The following MKLN1 variants were observed in gnomAD, a reference collection of about 807,000 sequenced individuals.
The protein encoded by MKLN1 is muskelin 1.
In MKLN1, 18 loss-of-function variants were observed where a neutral mutation model predicts 99.0. The observed-to-expected ratio is 0.18, with a 90% CI of 0.13 to 0.27. MKLN1 has a LOEUF of 0.27. Among genes scored for constraint, MKLN1 ranks in the 10% least tolerant of loss-of-function variants. MKLN1 has a pLI of 1.00. For synonymous variants in MKLN1, 288 were observed against 293.2 expected (o/e 0.98, Z 0.18); for missense variants, 621 against 875.9 (o/e 0.71, Z 3.67).
intron 1 of MKLN1, among the ~76,000 whole-genome samples, chr7:131,119,878 C>T (rs1416783305): frequency 6.6e-6 from 1 of 152,232 alleles, no homozygotes. Context: ...TTAAATTCCT[C>T]CTCAGAAAAT....
intron 6 of MKLN1, among the ~76,000 whole-genome samples, chr7:131,403,306 AC>A (rs1489809535): frequency 6.6e-6 from 1 of 152,150 alleles, no homozygotes; most frequent in East Asian, 1.9e-4. Flanking sequence ...CAGTTTTCTG[AC>A]TTCTCTCAGC....
At chr7:131,164,808 C>A (rs1796100574) in intron 2 of MKLN1, among the ~76,000 whole-genome samples, 1 of 152,132 alleles carries the variant, frequency 6.6e-6, no homozygotes, top group South Asian at 2.1e-4. Flanking sequence ...ATCAGATGAC[C>A]TGAATTCTAG....
intron 6 of MKLN1, among the ~76,000 whole-genome samples, chr7:131,402,611 TTAAATAA>T (rs1446561745): frequency 2.0e-5 from 3 of 152,216 alleles, no homozygotes; most frequent in Non-Finnish European, 4.4e-5. Context: ...GATGTGTTTC[TTAAATAA>T]TAAGATTTTC....
At chr7:131,378,736 G>A (rs1233589529) in intron 2 of MKLN1, among the ~76,000 whole-genome samples, 2 of 152,098 alleles carry the variant, frequency 1.3e-5, no homozygotes, top group Non-Finnish European at 2.9e-5. Context: ...AGGCTGAGTT[G>A]GGAGGATTGC....
intron 3 of MKLN1, among the ~76,000 whole-genome samples, chr7:131,207,138 T>G (rs867135777): frequency 4.2e-4 from 64 of 152,286 alleles, no homozygotes; most frequent in African/African-American, 1.3e-3. Flanking sequence ...GGGAATCCTT[T>G]TGTTTTCTAT....
At position 131,487,795 on chromosome 7, in the gene MKLN1, CACTG is replaced by C. The variant is rs1797323874; in HGVS notation, c.*74_*77del. The C allele has an allele frequency of 1.2e-5, 19 of 1,547,328 alleles. No individual in the cohort carries two copies. The highest frequency in any genetic ancestry group is 1.7e-4 in the Middle Eastern group (1 of 5,886). On this transcript the variant is annotated 3_prime_UTR_variant, in exon 18 of 18. Coordinates refer to ENST00000352689, the MANE Select transcript of MKLN1 (RefSeq NM_013255.5). This position sits in a 1 kb window ranked among gnomAD's most constrained non-coding sequence, Gnocchi z 4.7. The stretch of plus-strand genomic sequence containing the variant: ...TTTTCCGTCTTTTGGATTGCAGCTC[CACTG>C]ACTGACAGTAAAGCTGCAGTGATTG...
chr7:131,382,011 C>G (rs185524250), intron 2 of MKLN1, among the ~76,000 whole-genome samples: 1 of 152,120 alleles, frequency 6.6e-6, no homozygotes, highest in Non-Finnish European at 1.5e-5. Context: ...ATCCATATAC[C>G]TGTTAATGAA....
At chr7:131,184,470 T>C (rs1385374065) in intron 2 of MKLN1, among the ~76,000 whole-genome samples, 1 of 152,188 alleles carries the variant, frequency 6.6e-6, no homozygotes, top group Non-Finnish European at 1.5e-5. Context: ...CTGAGTGGCA[T>C]GTTGCTTGCA....
upstream of MKLN1, among the ~76,000 whole-genome samples, chr7:131,325,701 T>C (rs966595847): frequency 4.1e-5 from 1 of 24,388 alleles, no homozygotes; most frequent in African/African-American, 1.2e-4. Flanking sequence ...AGATTCTGTC[T>C]CAAAAAAAAA....
At chr7:131,435,545 A>C (rs543113907) in intron 9 of MKLN1, among the ~76,000 whole-genome samples, 30 of 152,178 alleles carry the variant, frequency 2.0e-4, no homozygotes, top group East Asian at 1.3e-3. Context: ...ACCAGTGTAG[A>C]TATGTGGGCA....
At chr7:131,197,647 T>C (rs1242354265) in intron 2 of MKLN1, among the ~76,000 whole-genome samples, 1 of 151,992 alleles carries the variant, frequency 6.6e-6, no homozygotes, top group Non-Finnish European at 1.5e-5. Context: ...TCATCCAGCC[T>C]GACCTTGGAT....
intron 3 of MKLN1, among the ~76,000 whole-genome samples, chr7:131,249,167 G>C (rs1397017311): frequency 2.0e-5 from 3 of 152,216 alleles, no homozygotes; most frequent in Non-Finnish European, 4.4e-5. Flanking sequence ...CACGATCTCA[G>C]CTCTTAGGAA....
At chr7:131,234,359 T>C (rs556387368) in intron 3 of MKLN1, among the ~76,000 whole-genome samples, 1 of 152,310 alleles carries the variant, frequency 6.6e-6, no homozygotes, top group African/African-American at 2.4e-5. Flanking sequence ...TGTAACTTTT[T>C]CTCAAGCATT....
In MKLN1 at chr7:131,463,313, A is replaced by T; in HGVS notation, c.1622A>T (p.Glu541Val). 1 of 1,612,638 alleles carries T rather than the reference A, an allele frequency of 6.2e-7. No homozygotes were observed. Among genetic ancestry groups the T allele is most frequent in the Non-Finnish European group, 8.5e-7 (1 of 1,179,460 alleles). ...CTCAGCAAAGATAAGGAAAAGAGGG[A>T]AGAAAATGTTAGAAATTCATTCTGG... Reference protein sequence around the residue: ...SGLSKDKEKREENVRNSFWIY... With the variant: ...SGLSKDKEKRVENVRNSFWIY... Residue 541 changes from glutamate to valine, a missense_variant, in exon 13 of 18, where the codon GAA becomes GTA. Glu to Val is a moderately radical substitution (Grantham distance 121, BLOSUM62 -2). Coordinates refer to ENST00000352689, the MANE Select transcript of MKLN1 (RefSeq NM_013255.5).
At chr7:131,352,327 G>A (rs1186565946) in intron 1 of MKLN1, among the ~76,000 whole-genome samples, 14 of 152,020 alleles carry the variant, frequency 9.2e-5, no homozygotes, top group Non-Finnish European at 1.8e-4. Flanking sequence ...TGCTTTAGTC[G>A]AAGAATGATG....
At chr7:131,333,848 C>T (rs576810773) in intron 1 of MKLN1, among the ~76,000 whole-genome samples, 73 of 152,268 alleles carry the variant, frequency 4.8e-4, no homozygotes, top group African/African-American at 1.6e-3. Flanking sequence ...AAATTTTGAA[C>T]TCATTGGTGA....
chr7:131,212,960 CT>C (rs1174238815), intron 3 of MKLN1, among the ~76,000 whole-genome samples: 9 of 151,424 alleles, frequency 5.9e-5, no homozygotes, highest in African/African-American at 2.2e-4. Context: ...CTTAACAGAT[CT>C]TAATTTTGAC....
intron 2 of MKLN1, among the ~76,000 whole-genome samples, chr7:131,201,084 A>G (rs1280310697): frequency 6.6e-6 from 1 of 152,170 alleles, no homozygotes; most frequent in East Asian, 1.9e-4. Context: ...CAGCGGTGCC[A>G]TCTCAGCTCA....
At chr7:131,203,679 G>A (rs1310646223) in intron 3 of MKLN1, among the ~76,000 whole-genome samples, 1 of 152,194 alleles carries the variant, frequency 6.6e-6, no homozygotes, top group East Asian at 1.9e-4. Context: ...ATTTATTTGT[G>A]AATATTTGTC....
Sources: allele counts gnomAD v4.1 joint callset (sites outside exome capture counted in the v4.1 genomes callset), GRCh38; gene constraint gnomAD v4.1.1; non-coding constraint Gnocchi (gnomAD v3.1); transcripts MANE v1.5; gene names NCBI Gene and HGNC (gene_info 2026-07-23, HGNC 2026-07-21).